COMMD10: variants seen among roughly 807,000 people sequenced by gnomAD.
COMMD10 encodes COMM domain containing 10.
COMMD10 carries 33 observed loss-of-function variants against 28.9 expected under a neutral mutation model. That is an observed-to-expected ratio of 1.14 (90% CI 0.87 to 1.53). COMMD10 has a LOEUF of 1.53. Among genes scored for constraint, COMMD10 ranks in the 40% most tolerant of loss-of-function variants. The pLI, the probability that COMMD10 is intolerant of heterozygous loss-of-function variation, is 0.00. For synonymous variants in COMMD10, 110 were observed against 81.7 expected (o/e 1.35, Z -1.87); for missense variants, 310 against 233.4 (o/e 1.33, Z -2.14).
chr5:116,177,961 T>C (rs969797996), intron 5 of COMMD10, among the ~76,000 whole-genome samples: 5 of 152,196 alleles, frequency 3.3e-5, no homozygotes, highest in African/African-American at 1.2e-4. Context: ...GGCTTTAATA[T>C]TCTTTTACTC....
At chr5:116,097,730 G>C (rs1198663571) in intron 4 of COMMD10, among the ~76,000 whole-genome samples, 1 of 152,088 alleles carries the variant, frequency 6.6e-6, no homozygotes, top group Non-Finnish European at 1.5e-5. Flanking sequence ...TTGGCTTCTG[G>C]GGAGGCCTCA....
At chr5:116,279,346 A>G (rs543293607) in intron 5 of COMMD10, among the ~76,000 whole-genome samples, 1 of 151,930 alleles carries the variant, frequency 6.6e-6, no homozygotes, top group Non-Finnish European at 1.5e-5. Flanking sequence ...TCAAAAATTA[A>G]AAGTTATTCG....
chr5:116,278,546 A>C (rs1750979641), intron 5 of COMMD10, among the ~76,000 whole-genome samples: 1 of 151,878 alleles, frequency 6.6e-6, no homozygotes, highest in Admixed American at 6.6e-5. Context: ...GCCAAACTCA[A>C]AATGTAACAT....
intron 5 of COMMD10, among the ~76,000 whole-genome samples, chr5:116,194,330 A>G (rs1055484473): frequency 1.3e-5 from 2 of 152,296 alleles, no homozygotes; most frequent in Admixed American, 1.3e-4. Context: ...TCAGAGCAGA[A>G]CTAAATGAAA....
Position 116,087,624 on chromosome 5 carries a change from C to T in COMMD10, c.132+37C>T, listed in dbSNP as rs369084397. 19 of 1,350,468 alleles carry T rather than the reference C, an allele frequency of 1.4e-5. No individual in the cohort carries two copies. The African/African-American group carries it at 2.3e-4, about 16-fold the overall frequency. 83.7% of individuals were successfully genotyped at this position (1,350,468 alleles called of 1,614,324 possible). ...TGTGTTTCCATGCCTTGTAATCTTC[C>T]TTCTGATTTAATTGAAAGTCTGATT... On this transcript the variant is annotated intron_variant, in intron 2 of 6. Transcript: ENST00000274458.
chr5:116,243,844 T>C (rs1749873428), intron 5 of COMMD10, among the ~76,000 whole-genome samples: 1 of 152,248 alleles, frequency 6.6e-6, no homozygotes, highest in East Asian at 1.9e-4. Flanking sequence ...TATTCTGGGC[T>C]TGAACCACAT....
chr5:116,214,545 G>C (rs1749050706), intron 5 of COMMD10, among the ~76,000 whole-genome samples: 1 of 152,054 alleles, frequency 6.6e-6, no homozygotes, highest in Admixed American at 6.6e-5. Context: ...TTGCCATTTT[G>C]ATGAGGAAAC....
chr5:116,233,735 T>G (rs1749587676), intron 5 of COMMD10, among the ~76,000 whole-genome samples: 2 of 152,104 alleles, frequency 1.3e-5, no homozygotes, highest in African/African-American at 4.8e-5. Context: ...AAAGTGAGCT[T>G]GGTATCTTCA....
intron 5 of COMMD10, among the ~76,000 whole-genome samples, chr5:116,278,875 A>G (rs1056616954): frequency 6.6e-6 from 1 of 151,866 alleles, no homozygotes; most frequent in Non-Finnish European, 1.5e-5. Flanking sequence ...CAAGACTTAT[A>G]AGACCTGTAA....
At chr5:116,097,307 TAAC>T (rs1561598302) in intron 4 of COMMD10, among the ~76,000 whole-genome samples, 36 of 151,078 alleles carry the variant, frequency 2.4e-4, no homozygotes, top group Admixed American at 6.6e-5. Context: ...AATATAATGA[TAAC>T]AAGCATTTAT....
chr5:116,185,942 T>C (rs2112603607), intron 5 of COMMD10, among the ~76,000 whole-genome samples: 2 of 152,284 alleles, frequency 1.3e-5, no homozygotes, highest in Middle Eastern at 6.8e-3. Flanking sequence ...TGACCCTGGA[T>C]GAATGTTACC....
chr5:116,088,321 C>A (rs17138863), intron 2 of COMMD10, among the ~76,000 whole-genome samples: 2,950 of 152,292 alleles, frequency 0.019, 88 homozygotes, highest in African/African-American at 0.062. Flanking sequence ...CAAGTTCTCA[C>A]AATTCTAGGT....
intron 5 of COMMD10, among the ~76,000 whole-genome samples, chr5:116,175,686 C>T (rs1313002002): frequency 2.0e-5 from 3 of 151,992 alleles, no homozygotes; most frequent in Admixed American, 6.6e-5. Flanking sequence ...GGATATTATT[C>T]GGTCATAAAA....
At chr5:116,147,744 A>G (rs1036993444) in intron 5 of COMMD10, among the ~76,000 whole-genome samples, 2 of 151,926 alleles carry the variant, frequency 1.3e-5, no homozygotes, top group Non-Finnish European at 2.9e-5. Flanking sequence ...TTAAAAAATT[A>G]TTTTATACTT....
intron 4 of COMMD10, among the ~76,000 whole-genome samples, chr5:116,116,240 A>G (rs1751229759): frequency 6.6e-6 from 1 of 152,184 alleles, no homozygotes; most frequent in Admixed American, 6.5e-5. Flanking sequence ...TTCATTAATT[A>G]TTGAATACCT....
chr5:116,258,211 G>T (rs28654138), intron 5 of COMMD10, among the ~76,000 whole-genome samples: 1 of 151,284 alleles, frequency 6.6e-6, no homozygotes, highest in African/African-American at 2.4e-5. Flanking sequence ...TTCTCTTACC[G>T]AATTTCAATA....
intron 5 of COMMD10, among the ~76,000 whole-genome samples, chr5:116,144,008 A>G (rs1018571471): frequency 6.6e-6 from 1 of 151,896 alleles, no homozygotes; most frequent in Non-Finnish European, 1.5e-5. Flanking sequence ...CAGATGGAGG[A>G]AAAAGCACCT....
chr5:116,254,422 C>G (rs1356193321), intron 5 of COMMD10, among the ~76,000 whole-genome samples: 1 of 151,048 alleles, frequency 6.6e-6, no homozygotes, highest in Non-Finnish European at 1.5e-5. Context: ...CCTGCTTTCT[C>G]TTGTGGGCAT....
intron 4 of COMMD10, among the ~76,000 whole-genome samples, chr5:116,110,407 C>T (rs796774155): frequency 2.0e-5 from 3 of 152,246 alleles, no homozygotes; most frequent in African/African-American, 7.2e-5. Context: ...TTCCTTTCCC[C>T]TGTTCCAACT....
Sources: allele counts gnomAD v4.1 joint callset (sites outside exome capture counted in the v4.1 genomes callset), GRCh38; gene constraint gnomAD v4.1.1; transcripts MANE v1.5; gene names NCBI Gene and HGNC (gene_info 2026-07-23, HGNC 2026-07-21).